TNFSF8: variants seen among roughly 807,000 people sequenced by gnomAD.
The protein encoded by TNFSF8 is TNF superfamily member 8.
In TNFSF8, 4 loss-of-function variants were observed where a neutral mutation model predicts 22.0. The observed-to-expected ratio is 0.18, with a 90% CI of 0.09 to 0.42. The LOEUF is 0.42. Among genes scored for constraint, TNFSF8 ranks in the 10% least tolerant of loss-of-function variants. TNFSF8 has a pLI of 1.00. For missense variants in TNFSF8, 233 were observed against 281.8 expected (o/e 0.83, Z 1.24); for synonymous variants, 106 against 112.5 (o/e 0.94, Z 0.37).
chr9:114,924,206 C>T (rs1193101697), intron 1 of TNFSF8, among the ~76,000 whole-genome samples: 3 of 152,154 alleles, frequency 2.0e-5, no homozygotes, highest in Admixed American at 2.0e-4. Context: ...GATTCGGATT[C>T]AGGAGATCTG....
At chr9:114,900,450 C>T (rs7030090), downstream of TNFSF8, among the ~76,000 whole-genome samples, 83,512 of 151,946 alleles carry the variant, frequency 0.55, 24,581 homozygotes, top group African/African-American at 0.75. Flanking sequence ...GCATTTGAGC[C>T]CAGTCTCATA....
chr9:114,919,713 C>T (rs147971419), intron 1 of TNFSF8, among the ~76,000 whole-genome samples: 134 of 152,256 alleles, frequency 8.8e-4, no homozygotes, highest in African/African-American at 2.8e-3. Flanking sequence ...AATTAGCAGC[C>T]GCCCACAGCT....
At chr9:114,914,733 A>G (rs1827897188) in intron 2 of TNFSF8, among the ~76,000 whole-genome samples, 2 of 151,996 alleles carry the variant, frequency 1.3e-5, no homozygotes, top group African/African-American at 4.8e-5. Context: ...TGAGAAAACT[A>G]AAACCCAGAA....
At chr9:114,898,454 A>C (rs1438189493), downstream of TNFSF8, among the ~76,000 whole-genome samples, 2 of 152,212 alleles carry the variant, frequency 1.3e-5, no homozygotes, top group East Asian at 3.9e-4. Context: ...GGGATTTATA[A>C]GGAGTAAGAC....
At chr9:114,910,108 A>G (rs1056759005) in intron 2 of TNFSF8, among the ~76,000 whole-genome samples, 1 of 152,216 alleles carries the variant, frequency 6.6e-6, no homozygotes, top group South Asian at 2.1e-4. Flanking sequence ...TCAGCTTTGT[A>G]AATCATCTTT....
chr9:114,918,533 T>G (rs1827948145), intron 1 of TNFSF8, among the ~76,000 whole-genome samples: 1 of 152,012 alleles, frequency 6.6e-6, no homozygotes, highest in East Asian at 1.9e-4. Context: ...CACTGCAGCT[T>G]CATCCTCCTG....
At chr9:114,914,715 C>T (rs1298061254) in intron 2 of TNFSF8, among the ~76,000 whole-genome samples, 7 of 152,130 alleles carry the variant, frequency 4.6e-5, no homozygotes, top group Non-Finnish European at 5.9e-5. Context: ...TTAACTCTGT[C>T]TTCTGGGTGA....
chr9:114,928,329 C>A (rs1473372938), intron 1 of TNFSF8, among the ~76,000 whole-genome samples: 1 of 152,182 alleles, frequency 6.6e-6, no homozygotes, highest in African/African-American at 2.4e-5. Context: ...ATTGGCTCTA[C>A]CACTTTCTCA....
chr9:114,916,562 G>T (rs1348072084), intron 2 of TNFSF8, among the ~76,000 whole-genome samples: 1 of 152,202 alleles, frequency 6.6e-6, no homozygotes, highest in East Asian at 1.9e-4. Flanking sequence ...TGGGAGTGGG[G>T]AGGGGCAAGT....
chr9:114,920,840 T>C (rs2131348357), intron 1 of TNFSF8, among the ~76,000 whole-genome samples: 1 of 152,220 alleles, frequency 6.6e-6, no homozygotes, highest in African/African-American at 2.4e-5. Flanking sequence ...GGCTAATTTT[T>C]GTATTTTTAG....
At chr9:114,928,187 G>A (rs1174599325) in intron 1 of TNFSF8, among the ~76,000 whole-genome samples, 1 of 152,122 alleles carries the variant, frequency 6.6e-6, no homozygotes, top group Admixed American at 6.5e-5. Context: ...CAAACATGAG[G>A]GGTAAGTCAA....
At chr9:114,893,771 CT>C (rs1337350851) in exon 5 of TNFSF8, 2 of 272,526 alleles carry the variant, frequency 7.3e-6, no homozygotes, top group African/African-American at 2.2e-5. Flanking sequence ...GGGTTTTCCC[CT>C]GAAGGGAATT....
chr9:114,894,083 G>T, exon 5 of TNFSF8: 1 of 1,535,006 alleles, frequency 6.5e-7, no homozygotes, highest in Non-Finnish European at 8.7e-7. Flanking sequence ...CAAGGTTCAG[G>T]GTTGTAGAGT....
chr9:114,928,452 A>C (rs76902137), intron 1 of TNFSF8, among the ~76,000 whole-genome samples: 4,505 of 152,268 alleles, frequency 0.03, 239 homozygotes, highest in African/African-American at 0.1. Flanking sequence ...ATTCAACTAA[A>C]AGTTGGATAT....
chr9:114,901,439 T>A lies in TNFSF8; in HGVS notation c.*2492A>T. The stretch of plus-strand genomic sequence containing the variant: ...GACTGAGATTAGAAACCACTCACAG[T>A]GCAAAAGTCAGGTACCTCTGCTCAG... On this transcript the variant is annotated 3_prime_UTR_variant, in exon 4 of 4. Transcript: ENST00000223795. The A allele has an allele frequency of 1.0e-6, 1 of 985,422 alleles. No homozygotes were observed. The highest frequency in any genetic ancestry group is 1.2e-6 in the Non-Finnish European group (1 of 829,918). 61.0% of individuals were successfully genotyped at this position (985,422 alleles called of 1,614,324 possible).
At chr9:114,928,357 C>T (rs1344127819) in intron 1 of TNFSF8, among the ~76,000 whole-genome samples, 1 of 152,216 alleles carries the variant, frequency 6.6e-6, no homozygotes, top group Non-Finnish European at 1.5e-5. Context: ...GTAGTTCAAG[C>T]CCTGTTCCCT....
At chr9:114,923,800 G>C (rs968140268) in intron 1 of TNFSF8, among the ~76,000 whole-genome samples, 1 of 152,110 alleles carries the variant, frequency 6.6e-6, no homozygotes. Flanking sequence ...TTACAGGCAT[G>C]AGCCACTGCT....
At chr9:114,912,432 C>T (rs1445643808) in intron 2 of TNFSF8, among the ~76,000 whole-genome samples, 1 of 152,354 alleles carries the variant, frequency 6.6e-6, no homozygotes, top group East Asian at 1.9e-4. Flanking sequence ...ACTCTGTTGC[C>T]AGGCTGGAGT....
chr9:114,922,396 C>T (rs1827999490), intron 1 of TNFSF8, among the ~76,000 whole-genome samples: 1 of 152,124 alleles, frequency 6.6e-6, no homozygotes, highest in Non-Finnish European at 1.5e-5. Context: ...GGACTTTTGC[C>T]AAGGATACCT....
Sources: allele counts gnomAD v4.1 joint callset (sites outside exome capture counted in the v4.1 genomes callset), GRCh38; gene constraint gnomAD v4.1.1; transcripts MANE v1.5; gene names NCBI Gene and HGNC (gene_info 2026-07-23, HGNC 2026-07-21).